SH2D4B: variants seen among roughly 807,000 people sequenced by gnomAD.
SH2D4B encodes the protein SH2 domain-containing protein 4B.
SH2D4B carries 45 observed loss-of-function variants against 61.5 expected under a neutral mutation model. The observed-to-expected ratio is 0.73, with a 90% CI of 0.58 to 0.94. SH2D4B has a LOEUF of 0.94. SH2D4B is among the 40% of genes least tolerant of loss of function. SH2D4B has a pLI of 0.00. For synonymous variants in SH2D4B, 224 were observed against 220.4 expected (o/e 1.02, Z -0.14); for missense variants, 572 against 574.2 (o/e 1.00, Z 0.04).
chr10:80,569,163 G>C (rs1008776243), intron 1 of SH2D4B, among the ~76,000 whole-genome samples: 1 of 152,134 alleles, frequency 6.6e-6, no homozygotes, highest in Non-Finnish European at 1.5e-5. Context: ...CTAGTGTCAC[G>C]GTCTGTTGTG....
At chr10:80,578,124 C>T (rs1296651562) in intron 3 of SH2D4B, among the ~76,000 whole-genome samples, 2 of 152,068 alleles carry the variant, frequency 1.3e-5, no homozygotes, top group African/African-American at 2.4e-5. Context: ...GGATGCACCA[C>T]CATACCTGGC....
intron 3 of SH2D4B, among the ~76,000 whole-genome samples, chr10:80,582,654 C>A (rs1842195905): frequency 6.6e-6 from 1 of 152,184 alleles, no homozygotes; most frequent in Admixed American, 6.5e-5. Flanking sequence ...GGGCCTGGGG[C>A]ACCTTACCTG....
chr10:80,620,806 A>G (rs771028326), intron 6 of SH2D4B, among the ~76,000 whole-genome samples: 1 of 152,238 alleles, frequency 6.6e-6, no homozygotes, highest in Non-Finnish European at 1.5e-5. Context: ...CACAGTGGTT[A>G]ACATAATGCC....
chr10:80,555,524 T>G (rs1321365757), intron 1 of SH2D4B, among the ~76,000 whole-genome samples: 2 of 152,206 alleles, frequency 1.3e-5, no homozygotes, highest in Non-Finnish European at 2.9e-5. Flanking sequence ...AGAGGCTTCA[T>G]GCCTCTCAGT....
intron 1 of SH2D4B, among the ~76,000 whole-genome samples, chr10:80,569,635 A>G (rs372182519): frequency 6.6e-6 from 1 of 151,402 alleles, no homozygotes; most frequent in South Asian, 2.1e-4. Flanking sequence ...TCAGGTCACA[A>G]TGCTCTTATA....
At chr10:80,582,798 G>A (rs1842198023) in intron 3 of SH2D4B, among the ~76,000 whole-genome samples, 2 of 152,194 alleles carry the variant, frequency 1.3e-5, no homozygotes, top group South Asian at 4.1e-4. Context: ...TCAGGCCAGG[G>A]GCCCTGCTTG....
chr10:80,594,238 A>C lies in SH2D4B; in HGVS notation c.643+5461A>C, dbSNP rs951134177. ...TCAAATGCTTGTTCTGCATCTGTTG[A>C]GATGATCATATGTTTTTTGTTCTTT... On this transcript the variant is annotated intron_variant, in intron 4 of 7. Coordinates refer to ENST00000646907, the MANE Select transcript of SH2D4B (RefSeq NM_001388272.1). 1.7e-4 allele frequency among the ~76,000 whole-genome samples: 26 copies of C among 152,158 alleles called. 1 individual carries two copies. Among genetic ancestry groups the C allele is most frequent in the Admixed American group, 1.7e-3 (26 of 15,276 alleles).
intron 4 of SH2D4B, among the ~76,000 whole-genome samples, chr10:80,602,875 T>C (rs930813624): frequency 2.6e-5 from 4 of 151,986 alleles, no homozygotes; most frequent in Non-Finnish European, 4.4e-5. Flanking sequence ...GCTGCTTGAG[T>C]GGTGGGACCA....
intron 5 of SH2D4B, among the ~76,000 whole-genome samples, chr10:80,605,763 C>T (rs990195095): frequency 6.6e-6 from 1 of 152,204 alleles, no homozygotes; most frequent in Non-Finnish European, 1.5e-5. Flanking sequence ...AGGTGATCCA[C>T]CTGCCTTGGC....
intron 3 of SH2D4B, among the ~76,000 whole-genome samples, chr10:80,584,559 C>G (rs1057403380): frequency 1.3e-5 from 2 of 152,174 alleles, no homozygotes; most frequent in Non-Finnish European, 2.9e-5. Context: ...CAAAACATAT[C>G]ATTATTTAAG....
At position 80,590,770 on chromosome 10, in the gene SH2D4B, G is replaced by C. The variant is rs541872187; in HGVS notation, c.643+1993G>C. Among the ~76,000 whole-genome samples the C allele has an allele frequency of 4.6e-5, 7 of 152,094 alleles. No individual in the cohort carries two copies. In the South Asian group the frequency reaches 1.5e-3, roughly 32 times the overall value. On this transcript the variant is annotated intron_variant, in intron 4 of 7. Transcript: ENST00000646907. ...TTAGCCTTTTAAAGTGTACAATTTA[G>C]TGGTTTTTAGTATACTCAAAAAGTT...
chr10:80,637,860 T>A (rs1157214326), intron 7 of SH2D4B, among the ~76,000 whole-genome samples: 6 of 152,230 alleles, frequency 3.9e-5, no homozygotes, highest in Non-Finnish European at 8.8e-5. Flanking sequence ...CCCTGTTTTG[T>A]GCCAGTTTTT....
chr10:80,619,486 A>G (rs1842694131), intron 6 of SH2D4B, among the ~76,000 whole-genome samples: 1 of 152,142 alleles, frequency 6.6e-6, no homozygotes, highest in South Asian at 2.1e-4. Context: ...GATGGGCCCA[A>G]ATGTGTCTCT....
chr10:80,575,680 C>A (rs1170427515), intron 3 of SH2D4B, among the ~76,000 whole-genome samples: 3 of 152,294 alleles, frequency 2.0e-5, no homozygotes, highest in African/African-American at 7.2e-5. Flanking sequence ...GAGGCTGAGG[C>A]AGGAGAATTG....
At position 80,645,390 on chromosome 10, in the gene SH2D4B, A is replaced by G. The variant is rs1398377871; in HGVS notation, c.*1305A>G. The G allele has an allele frequency of 6.6e-6, 1 of 152,178 alleles. No homozygotes were observed. The highest frequency in any genetic ancestry group is 1.5e-5 in the Non-Finnish European group (1 of 68,050). The allele number at this position is 152,178 out of a possible 1,614,324, so 9.4% of individuals were successfully genotyped here. ...ATCAGTGTCATGTGAGCATAAGCCA[A>G]TGGTAGCTTGCCACATGCCCCATCT... On this transcript the variant is annotated 3_prime_UTR_variant, in exon 8 of 8. Transcript: ENST00000646907.
chr10:80,538,420 A>G lies in SH2D4B; in HGVS notation c.89A>G (p.Lys30Arg), dbSNP rs1020893720. Residue 30 changes from lysine (K) to arginine (R), a missense_variant, in exon 1 of 8, where the codon AAA becomes AGA. Transcript: ENST00000646907. This position sits in a 1 kb window ranked among gnomAD's most constrained non-coding sequence, Gnocchi z 4.8. ...GTGCAGAAGCACATCCTCTTCTACA[A>G]AATGCGGGAGGAGCAGCTGAGGCGC... ...SDVQKHILFYKMREEQLRRWK... is the reference protein window; with the variant it reads ...SDVQKHILFYRMREEQLRRWK... The G allele has an allele frequency of 1.3e-6, 2 of 1,492,018 alleles. No individual in the cohort carries two copies. Among genetic ancestry groups the G allele is most frequent in the Non-Finnish European group, 1.8e-6 (2 of 1,119,170 alleles). 92.4% of individuals were successfully genotyped at this position (1,492,018 alleles called of 1,614,324 possible). A position where few individuals can be genotyped will look rare whatever the true frequency, so the allele number is the denominator to read the frequency against.
At chr10:80,545,754 G>A (rs919573589) in intron 1 of SH2D4B, among the ~76,000 whole-genome samples, 5 of 152,152 alleles carry the variant, frequency 3.3e-5, no homozygotes, top group African/African-American at 1.2e-4. Context: ...TGACAGAGGG[G>A]TTTGACTGGG....
chr10:80,566,090 CAAAA>C (rs60774703), intron 1 of SH2D4B, among the ~76,000 whole-genome samples: 13 of 23,816 alleles, frequency 5.5e-4, no homozygotes, highest in African/African-American at 2.1e-3. Flanking sequence ...GACTCCGGCT[CAAAA>C]AAAAAAAAAA....
intron 3 of SH2D4B, among the ~76,000 whole-genome samples, chr10:80,585,508 G>C (rs904883841): frequency 1.3e-5 from 2 of 152,074 alleles, no homozygotes; most frequent in African/African-American, 4.8e-5. Flanking sequence ...TAGAGACGGG[G>C]TTTCACCATG....
Sources: allele counts gnomAD v4.1 joint callset (sites outside exome capture counted in the v4.1 genomes callset), GRCh38; gene constraint gnomAD v4.1.1; non-coding constraint Gnocchi (gnomAD v3.1); transcripts MANE v1.5; gene names NCBI Gene and HGNC (gene_info 2026-07-23, HGNC 2026-07-21).